Variants in NTN1 observed in about 807,000 individuals in gnomAD.
NTN1 encodes netrin 1.
NTN1 carries 11 observed loss-of-function variants against 54.2 expected under a neutral mutation model. That is an observed-to-expected ratio of 0.20 (90% CI 0.13 to 0.34). NTN1 has a LOEUF of 0.34. NTN1 is among the 10% of genes least tolerant of loss of function. NTN1 has a pLI of 1.00. For synonymous variants in NTN1, 371 were observed against 382.0 expected (o/e 0.97, Z 0.33); for missense variants, 740 against 893.1 (o/e 0.83, Z 2.18).
intron 5 of NTN1, among the ~76,000 whole-genome samples, chr17:9,215,271 AC>A (rs1380624852): frequency 1.3e-5 from 2 of 148,766 alleles, no homozygotes; most frequent in African/African-American, 4.9e-5. Flanking sequence ...ACACACACAC[AC>A]ACACACACAC....
At chr17:9,108,919 T>C (rs4791786) in intron 2 of NTN1, among the ~76,000 whole-genome samples, 124,090 of 151,934 alleles carry the variant, frequency 0.82, 50,990 homozygotes, top group East Asian at 0.95. Flanking sequence ...CTCTGTTGCC[T>C]AGGCTGGAGT....
Position 9,103,862 on chromosome 17 carries a change from G to A in NTN1, c.1019-58951G>A, listed in dbSNP as rs889578782. Among the ~76,000 whole-genome samples the A allele has an allele frequency of 3.9e-5, 6 of 152,060 alleles. No individual in the cohort carries two copies. In the East Asian group the frequency reaches 1.2e-3, roughly 29 times the overall value. On this transcript the variant is annotated intron_variant, in intron 2 of 6. Coordinates refer to ENST00000173229, the MANE Select transcript of NTN1 (RefSeq NM_004822.3). ...GCACTTTGGGAGGTCGAGGTGGGTG[G>A]ATCACCTGAGGTCAGGAGTTCAAGA...
At chr17:9,042,527 G>A (rs995502817) in intron 2 of NTN1, among the ~76,000 whole-genome samples, 13 of 149,190 alleles carry the variant, frequency 8.7e-5, no homozygotes, top group African/African-American at 2.2e-4. Context: ...GGTGGCTCAC[G>A]CCTGTAATCC....
rs1266979345 is a variant in NTN1, at chr17:9,073,580, C to G, written c.1018+50189C>G. Among the ~76,000 whole-genome samples the G allele has an allele frequency of 1.3e-5, 2 of 152,322 alleles. 1 individual carries two copies. The highest frequency in any genetic ancestry group is 2.9e-5 in the Non-Finnish European group (2 of 68,024). ...GGTTGAGAGGACCATAGAGATCCTC[C>G]AGCATCTGCCCTCCCGCCGAGTGCA... On this transcript the variant is annotated intron_variant, in intron 2 of 6. Coordinates refer to ENST00000173229, the MANE Select transcript of NTN1 (RefSeq NM_004822.3).
intron 2 of NTN1, among the ~76,000 whole-genome samples, chr17:9,069,406 CAGA>C (rs2092025794): frequency 6.6e-6 from 1 of 152,088 alleles, no homozygotes; most frequent in Admixed American, 6.5e-5. Context: ...TATTTCAAAG[CAGA>C]AGAATGAACA....
Position 9,148,686 on chromosome 17 carries a change from A to G in NTN1, c.1019-14127A>G, listed in dbSNP as rs567433641. Among the ~76,000 whole-genome samples the G allele has an allele frequency of 3.9e-5, 6 of 152,116 alleles. No individual in the cohort carries two copies. The South Asian group carries it at 6.2e-4, about 16-fold the overall frequency. ...TTTGGTGTTGTCCTGGAGTGGCCCA[A>G]TGGGACACTGGTTTCTGTTGGGCAC... On this transcript the variant is annotated intron_variant, in intron 2 of 6. Coordinates refer to ENST00000173229, the MANE Select transcript of NTN1 (RefSeq NM_004822.3).
In NTN1 at chr17:9,022,527, A is replaced by G; in HGVS notation, c.154A>G (p.Ile52Val). 3 of 1,550,328 alleles carry G rather than the reference A, an allele frequency of 1.9e-6. No individual in the cohort carries two copies. The highest frequency in any genetic ancestry group is 2.6e-6 in the Non-Finnish European group (3 of 1,150,802). Reference sequence around the variant, plus strand: ...CGAGAACGGCCACCCGCGCCGCTGCATCCCGGACTTTGTCAATGCGGCCTT... The same window carrying G: ...CGAGAACGGCCACCCGCGCCGCTGCGTCCCGGACTTTGTCAATGCGGCCTT... ...SDENGHPRRC[I>V]PDFVNAAFGK... Residue 52 changes from isoleucine to valine, a missense_variant, in exon 2 of 7, where the codon ATC (isoleucine) becomes GTC (valine). Ile to Val is a conservative substitution (Grantham distance 29, BLOSUM62 3). Transcript: ENST00000173229.
At chr17:9,203,973 T>C (rs950195244) in intron 5 of NTN1, among the ~76,000 whole-genome samples, 5 of 152,114 alleles carry the variant, frequency 3.3e-5, no homozygotes, top group Non-Finnish European at 5.9e-5. Flanking sequence ...TGAAGGCTGT[T>C]CTGAGGGTGA....
intron 2 of NTN1, among the ~76,000 whole-genome samples, chr17:9,024,462 C>G (rs1170614454): frequency 6.6e-6 from 1 of 152,218 alleles, no homozygotes; most frequent in Non-Finnish European, 1.5e-5. Context: ...TTTTTCCTCT[C>G]CATCTCCCCA....
In NTN1 at chr17:9,045,479, AGCTTCAC is replaced by A. The variant is rs563757108; in HGVS notation, c.1018+22091_1018+22097del. The stretch of plus-strand genomic sequence containing the variant: ...TCCTACAGAAACGGGCAGGCGACCC[AGCTTCAC>A]GCCTGCCTCCATTTCTCCTTATCCT... On this transcript the variant is annotated intron_variant, in intron 2 of 6. Transcript: ENST00000173229. Among the ~76,000 whole-genome samples, 112 of 152,290 alleles carry A rather than the reference AGCTTCAC, an allele frequency of 7.4e-4. 2 individuals are homozygous for A. In the East Asian group the frequency reaches 0.017, roughly 24 times the overall value.
At chr17:9,125,612 T>G (rs1367646624) in intron 2 of NTN1, among the ~76,000 whole-genome samples, 1 of 151,934 alleles carries the variant, frequency 6.6e-6, no homozygotes, top group Non-Finnish European at 1.5e-5. Flanking sequence ...GGTTATTTAT[T>G]TATTTATTTA....
chr17:9,161,058 C>A (rs1209290277), intron 2 of NTN1, among the ~76,000 whole-genome samples: 4 of 152,158 alleles, frequency 2.6e-5, no homozygotes, highest in Non-Finnish European at 5.9e-5. Flanking sequence ...GTGGAGTGAA[C>A]GAGAAGAGGC....
chr17:9,133,191 G>C (rs1254648933), intron 2 of NTN1, among the ~76,000 whole-genome samples: 1 of 152,186 alleles, frequency 6.6e-6, no homozygotes, highest in African/African-American at 2.4e-5. Context: ...GTTGCCAGCT[G>C]CTCCTGGGGG....
the NTN1 span, among the ~76,000 whole-genome samples, chr17:9,010,426 C>T: frequency 5.9e-5 from 9 of 152,176 alleles, no homozygotes; most frequent in Admixed American, 1.3e-4. Flanking sequence ...CTGCTCTGAA[C>T]TCAGTGTTGT....
chr17:9,029,122 A>C (rs1431780693), intron 2 of NTN1, among the ~76,000 whole-genome samples: 2 of 152,208 alleles, frequency 1.3e-5, no homozygotes, highest in East Asian at 3.9e-4. Flanking sequence ...CAGGCTCAGA[A>C]GGCATGGTGT....
rs555789850 is a variant in NTN1 at position 9,026,475 on chromosome 17, A to G, written c.1018+3084A>G. Among the ~76,000 whole-genome samples the G allele has an allele frequency of 3.3e-5, 5 of 152,244 alleles. No homozygotes were observed. In the South Asian group the frequency reaches 1.0e-3, roughly 32 times the overall value. ...TACGGCCTTGACAGCTCTCAGTGGA[A>G]TAACTAAATACTTTCTTCCGCCCAT... On this transcript the variant is annotated intron_variant, in intron 2 of 6. Coordinates refer to ENST00000173229, the MANE Select transcript of NTN1 (RefSeq NM_004822.3).
At chr17:9,181,047 A>G (rs1320483497) in intron 4 of NTN1, among the ~76,000 whole-genome samples, 1 of 152,226 alleles carries the variant, frequency 6.6e-6, no homozygotes, top group East Asian at 1.9e-4. Context: ...GGTTGGAACC[A>G]ACATTTCAAA....
chr17:9,109,120 C>T (rs779673470), intron 2 of NTN1, among the ~76,000 whole-genome samples: 1 of 152,190 alleles, frequency 6.6e-6, no homozygotes, highest in Non-Finnish European at 1.5e-5. Context: ...CATGATCCTC[C>T]CAACTTGGCC....
chr17:9,064,503 G>C (rs2092008680), intron 2 of NTN1, among the ~76,000 whole-genome samples: 1 of 152,156 alleles, frequency 6.6e-6, no homozygotes, highest in African/African-American at 2.4e-5. Context: ...TAGGAGGGTT[G>C]TTCCAAATCC....
Sources: gnomAD v4.1 joint callset for allele counts (sites outside exome capture counted in the v4.1 genomes callset) on GRCh38, gnomAD v4.1.1 for gene constraint, MANE v1.5 for transcripts, NCBI Gene and HGNC (gene_info 2026-07-23, HGNC 2026-07-21) for gene names.